NCKAP5: variants seen among roughly 807,000 people sequenced by gnomAD.
NCKAP5 encodes the protein NCK associated protein 5, also known as nck-associated protein 5.
Under a neutral mutation model 167.0 loss-of-function variants are expected in NCKAP5, and 92 were observed. That is an observed-to-expected ratio of 0.55 (90% CI 0.47 to 0.66). NCKAP5 has a LOEUF of 0.66. Among genes scored for constraint, NCKAP5 ranks in the 30% least tolerant of loss-of-function variants. The pLI, the probability that NCKAP5 is intolerant of heterozygous loss-of-function variation, is 0.00. For synonymous variants in NCKAP5, 891 were observed against 877.4 expected (o/e 1.02, Z -0.27); for missense variants, 2,378 against 2,315.0 (o/e 1.03, Z -0.56).
intron 3 of NCKAP5, among the ~76,000 whole-genome samples, chr2:133,437,850 T>G (rs919108054): frequency 6.6e-6 from 1 of 152,238 alleles, no homozygotes; most frequent in Non-Finnish European, 1.5e-5. Flanking sequence ...AATAAGGAAA[T>G]CTATGCAGAG....
At chr2:132,846,868 C>G (rs1322941251) in intron 11 of NCKAP5, among the ~76,000 whole-genome samples, 3 of 152,182 alleles carry the variant, frequency 2.0e-5, no homozygotes, top group Non-Finnish European at 2.9e-5. Context: ...AGTGGCTTAA[C>G]TAAGGCTCTT....
intron 11 of NCKAP5, among the ~76,000 whole-genome samples, chr2:132,844,888 T>C (rs1688552492): frequency 1.3e-5 from 2 of 152,206 alleles, no homozygotes; most frequent in South Asian, 2.1e-4. Flanking sequence ...CAGAAACGCA[T>C]GCGGTTTACA....
chr2:132,759,860 T>G (rs1680853103), intron 16 of NCKAP5, among the ~76,000 whole-genome samples: 1 of 152,142 alleles, frequency 6.6e-6, no homozygotes, highest in South Asian at 2.1e-4. Context: ...TTTCTAGTTG[T>G]CCAGCTTTTC....
intron 6 of NCKAP5, among the ~76,000 whole-genome samples, chr2:133,101,800 G>C (rs1349533652): frequency 6.6e-6 from 1 of 152,234 alleles, no homozygotes; most frequent in Non-Finnish European, 1.5e-5. Context: ...TTCACATTCA[G>C]ATAGTGGTGT....
intron 6 of NCKAP5, among the ~76,000 whole-genome samples, chr2:133,029,162 G>C (rs940093306): frequency 2.0e-5 from 3 of 152,104 alleles, no homozygotes; most frequent in Non-Finnish European, 4.4e-5. Context: ...AGGGAATTGA[G>C]GTCATGACAG....
intron 6 of NCKAP5, among the ~76,000 whole-genome samples, chr2:133,114,059 T>C (rs540730653): frequency 6.6e-6 from 1 of 152,246 alleles, no homozygotes; most frequent in Non-Finnish European, 1.5e-5. Context: ...TGTATATATT[T>C]AGACCCGTAG....
Position 132,731,938 on chromosome 2 carries a change from C to T in NCKAP5, c.5242G>A (p.Ala1748Thr), listed in dbSNP as rs374231579. ...GACTGGAGAGGCAGGAGAGGCTCAG[C>T]GTCCTCTGGGGAGTCTGGCTGGCAT... ...YLCQPDSPED[A>T]EPLLPLQSAL... Residue 1748 changes from alanine to threonine, a missense_variant, in exon 17 of 20, where the codon GCT (alanine) becomes ACT (threonine). Ala to Thr is a moderately conservative substitution (Grantham distance 58). This residue lies in a region of NCKAP5 where 1,325 missense variants were observed against 1,274.5 expected (regional missense o/e 1.04). Coordinates refer to ENST00000409261, the MANE Select transcript of NCKAP5 (RefSeq NM_207363.3). The T allele has an allele frequency of 8.7e-5, 141 of 1,613,772 alleles. No homozygotes were observed. Among genetic ancestry groups the T allele is most frequent in the Middle Eastern group, 3.3e-4 (2 of 6,084 alleles).
rs1479809796 is a variant in NCKAP5, at chr2:133,467,926, G to T, written c.69+49532C>A. On this transcript the variant is annotated intron_variant, in intron 3 of 19. Coordinates refer to ENST00000409261, the MANE Select transcript of NCKAP5 (RefSeq NM_207363.3). ...TTTCTTCTTTATTAGTCTTGCTAGC[G>T]GTCTATCAATTTTGTTGATCCTTTC... Among the ~76,000 whole-genome samples, 89 of 128,818 alleles carry T rather than the reference G, an allele frequency of 6.9e-4. 14 individuals are homozygous for T. Among genetic ancestry groups the T allele is most frequent in the Non-Finnish European group, 1.1e-3 (69 of 61,676 alleles). 84.5% of individuals were successfully genotyped at this position (128,818 alleles called of 152,430 possible). A position where few individuals can be genotyped will look rare whatever the true frequency, so the allele number is the denominator to read the frequency against.
At chr2:132,752,926 A>G (rs1295888522) in intron 16 of NCKAP5, among the ~76,000 whole-genome samples, 1 of 152,240 alleles carries the variant, frequency 6.6e-6, no homozygotes, top group African/African-American at 2.4e-5. Context: ...GTAGTCAGGC[A>G]GGAAAAATAA....
chr2:132,757,786 T>A (rs1680672019), intron 16 of NCKAP5, among the ~76,000 whole-genome samples: 1 of 152,156 alleles, frequency 6.6e-6, no homozygotes, highest in South Asian at 2.1e-4. Flanking sequence ...CTTGTTGAAA[T>A]CCCCTTGGCT....
chr2:133,325,231 G>C (rs1484906555), intron 3 of NCKAP5, among the ~76,000 whole-genome samples: 1 of 152,172 alleles, frequency 6.6e-6, no homozygotes, highest in African/African-American at 2.4e-5. Flanking sequence ...CACAGGGAAA[G>C]AGCCAGAGAA....
intron 7 of NCKAP5, among the ~76,000 whole-genome samples, chr2:132,990,627 T>C (rs1015757318): frequency 9.9e-5 from 15 of 152,066 alleles, no homozygotes; most frequent in Admixed American, 3.9e-4. Context: ...AGGGTCCTTA[T>C]AAGAGGGACC....
At chr2:132,781,355 A>T (rs2105018711) in intron 14 of NCKAP5, 126 bp from the exon 15 acceptor site, 1 of 860,006 alleles carries the variant, frequency 1.2e-6, no homozygotes. Context: ...CCTTTGACGG[A>T]TAAGGGTTTC....
chr2:133,367,331 G>A lies in NCKAP5; in HGVS notation c.70-64221C>T, dbSNP rs187499040. 2.2e-3 allele frequency among the ~76,000 whole-genome samples: 339 copies of A among 152,232 alleles called. 1 individual carries two copies. Among genetic ancestry groups the A allele is most frequent in the African/African-American group, 7.7e-3 (321 of 41,540 alleles). On this transcript the variant is annotated intron_variant, in intron 3 of 19. Transcript: ENST00000409261. ...TGGGGTGAGGCAGGACCCAGCAGAC[G>A]GGAGCTCTGGGCTTCCCCTCCAGTG... is the stretch of plus-strand genomic sequence containing the variant.
intron 3 of NCKAP5, among the ~76,000 whole-genome samples, chr2:133,322,734 G>T (rs1370064572): frequency 2.0e-5 from 3 of 152,208 alleles, no homozygotes; most frequent in Non-Finnish European, 4.4e-5. Flanking sequence ...TGGACCTTGA[G>T]TACTTTGGGT....
At chr2:133,471,831 A>T (rs1453601389) in intron 3 of NCKAP5, among the ~76,000 whole-genome samples, 2 of 152,196 alleles carry the variant, frequency 1.3e-5, no homozygotes, top group African/African-American at 2.4e-5. Context: ...TGCCCAGGAG[A>T]TGATGCAAGC....
chr2:133,046,951 A>C (rs2149473449), intron 6 of NCKAP5, among the ~76,000 whole-genome samples: 1 of 137,010 alleles, frequency 7.3e-6, no homozygotes, highest in Non-Finnish European at 1.7e-5. Flanking sequence ...CTATCTCCAC[A>C]ATCCAAGTAA....
intron 8 of NCKAP5, among the ~76,000 whole-genome samples, chr2:132,893,025 A>G (rs1692848841): frequency 6.6e-6 from 1 of 151,826 alleles, no homozygotes; most frequent in African/African-American, 2.4e-5. Flanking sequence ...ACCAGAAAGG[A>G]AAAAAGCACA....
At chr2:133,182,956 G>C (rs972721820) in intron 5 of NCKAP5, among the ~76,000 whole-genome samples, 11 of 152,064 alleles carry the variant, frequency 7.2e-5, no homozygotes, top group Non-Finnish European at 1.5e-4. Flanking sequence ...ATATCAAAAG[G>C]ATAGTAAGAA....
Sources: allele counts gnomAD v4.1 joint callset (sites outside exome capture counted in the v4.1 genomes callset), GRCh38; gene constraint gnomAD v4.1.1; regional missense constraint gnomAD v4.1.1; transcripts MANE v1.5; gene names NCBI Gene and HGNC (gene_info 2026-07-23, HGNC 2026-07-21).